The following MDGA2 variants were observed in gnomAD, a reference collection of about 807,000 sequenced individuals.
MDGA2 encodes MAM domain containing glycosylphosphatidylinositol anchor 2, also known as MAM domain-containing glycosylphosphatidylinositol anchor protein 2.
Under a neutral mutation model 117.8 loss-of-function variants are expected in MDGA2, and 40 were observed. The observed-to-expected ratio is 0.34, with a 90% CI of 0.26 to 0.44. The LOEUF (loss-of-function observed/expected upper bound fraction) is 0.44. Ranked by LOEUF, MDGA2 falls within the 20% of genes least tolerant of loss-of-function variation. MDGA2 has a pLI of 1.00. For synonymous variants in MDGA2, 452 were observed against 439.0 expected (o/e 1.03, Z -0.37); for missense variants, 1,123 against 1,250.6 (o/e 0.90, Z 1.54).
rs1311999802 is a variant in MDGA2, at chr14:47,529,165, A to AT, written c.280+145351dup. On this transcript the variant is annotated intron_variant, in intron 1 of 16. Transcript: ENST00000399232. ...AGATGCCCGCCACCACACCTGGCTA[A>AT]TTTTTTTTTTACAAACTTTTTTATA... 4.5e-3 allele frequency among the ~76,000 whole-genome samples: 678 copies of AT among 149,860 alleles called. 5 individuals are homozygous for AT. The highest frequency in any genetic ancestry group is 0.015 in the African/African-American group (602 of 40,902).
At chr14:47,122,088 T>C (rs924391889) in intron 5 of MDGA2, among the ~76,000 whole-genome samples, 5 of 152,002 alleles carry the variant, frequency 3.3e-5, no homozygotes, top group African/African-American at 1.2e-4. Context: ...TGTTTTATTA[T>C]TGTTGTTATT....
intron 8 of MDGA2, among the ~76,000 whole-genome samples, chr14:47,001,035 G>A (rs1887513792): frequency 2.0e-5 from 3 of 151,896 alleles, no homozygotes; most frequent in Admixed American, 1.3e-4. Context: ...CTCAGACTTC[G>A]AACACTAAAC....
rs368694331 is a variant in MDGA2 at position 46,918,935 on chromosome 14, T to C, written c.2238+1077A>G. Among the ~76,000 whole-genome samples, 252 of 152,108 alleles carry C rather than the reference T, an allele frequency of 1.7e-3. 1 individual carries two copies. The highest frequency in any genetic ancestry group is 5.9e-3 in the African/African-American group (243 of 41,484). Reference sequence around the variant, plus strand: ...CGTCAACATGCCCGGCTAATTTTTTTGTATTTTTAGTAGAGACGGGGTTTC... The same window carrying C: ...CGTCAACATGCCCGGCTAATTTTTTCGTATTTTTAGTAGAGACGGGGTTTC... On this transcript the variant is annotated intron_variant, in intron 10 of 16. Coordinates refer to ENST00000399232, the MANE Select transcript of MDGA2 (RefSeq NM_001113498.3).
intron 1 of MDGA2, among the ~76,000 whole-genome samples, chr14:47,609,428 C>CACATATATAT (rs1477357010): frequency 1.2e-3 from 21 of 17,564 alleles, no homozygotes; most frequent in Non-Finnish European, 1.9e-3. Context: ...AGTATTCCAT[C>CACATATATAT]ATATATATAT....
intron 8 of MDGA2, among the ~76,000 whole-genome samples, chr14:46,989,145 C>T (rs1886981734): frequency 6.6e-6 from 1 of 152,092 alleles, no homozygotes; most frequent in Non-Finnish European, 1.5e-5. Flanking sequence ...TCTGTCCACA[C>T]AACTCTGAGT....
chr14:47,628,602 A>G lies in MDGA2; in HGVS notation c.280+45915T>C, dbSNP rs190267188. 3.9e-4 allele frequency among the ~76,000 whole-genome samples: 59 copies of G among 152,366 alleles called. No individual in the cohort carries two copies. The East Asian group carries it at 8.3e-3, about 21-fold the overall frequency. ...AATGGGCAATTTTCAAAGACCAACC[A>G]AAACTCCTAAGACTAAAACTATGGT... On this transcript the variant is annotated intron_variant, in intron 1 of 16. Coordinates refer to ENST00000399232, the MANE Select transcript of MDGA2 (RefSeq NM_001113498.3).
intron 1 of MDGA2, among the ~76,000 whole-genome samples, chr14:47,441,017 G>A (rs999737088): frequency 6.6e-6 from 1 of 152,022 alleles, no homozygotes; most frequent in African/African-American, 2.4e-5. Context: ...CAGTAAGAGT[G>A]ACAGATCTGT....
chr14:47,013,772 G>GTGTATATATATATATATATATATATA (rs1555343310), intron 8 of MDGA2, among the ~76,000 whole-genome samples: 1 of 93,704 alleles, frequency 1.1e-5, no homozygotes, highest in African/African-American at 3.6e-5. Context: ...TAATTTCCTT[G>GTGTATATATATATATATATATATATA]TATATATATA....
intron 1 of MDGA2, among the ~76,000 whole-genome samples, chr14:47,478,077 T>A (rs75462219): frequency 1.3e-5 from 2 of 152,214 alleles, no homozygotes; most frequent in Non-Finnish European, 2.9e-5. Context: ...TGGACAAGAC[T>A]TCTTGTATTC....
At chr14:47,299,231 A>T (rs1026248620) in intron 2 of MDGA2, 2 of 152,204 alleles carry the variant, frequency 1.3e-5, no homozygotes, top group Non-Finnish European at 2.9e-5. Context: ...ATTGTGAATG[A>T]TAAAAAGGGA....
chr14:46,899,711 G>C (rs1381435372), intron 10 of MDGA2, among the ~76,000 whole-genome samples: 1 of 151,998 alleles, frequency 6.6e-6, no homozygotes, highest in African/African-American at 2.4e-5. Context: ...AAACAGAAGT[G>C]ATTTTGTAAG....
intron 9 of MDGA2, among the ~76,000 whole-genome samples, chr14:46,946,905 C>T (rs868496224): frequency 9.2e-5 from 14 of 152,060 alleles, no homozygotes; most frequent in South Asian, 2.1e-4. Flanking sequence ...GGTCCTTCCC[C>T]TTATATCCTC....
At chr14:46,921,421 T>C (rs1884124329) in intron 9 of MDGA2, among the ~76,000 whole-genome samples, 1 of 150,068 alleles carries the variant, frequency 6.7e-6, no homozygotes, top group African/African-American at 2.5e-5. Flanking sequence ...CTGAGCAACA[T>C]AGCAAAATAA....
At chr14:47,295,559 G>T (rs1889035767) in intron 2 of MDGA2, among the ~76,000 whole-genome samples, 1 of 151,984 alleles carries the variant, frequency 6.6e-6, no homozygotes, top group African/African-American at 2.4e-5. Flanking sequence ...GGTCAACTGA[G>T]GAAATATTTT....
intron 1 of MDGA2, among the ~76,000 whole-genome samples, chr14:47,646,675 T>A (rs1211877076): frequency 6.6e-6 from 1 of 152,230 alleles, no homozygotes; most frequent in Non-Finnish European, 1.5e-5. Flanking sequence ...GCATAATTTC[T>A]ATGAATAAAA....
At chr14:46,934,841 C>A (rs1159719181) in intron 9 of MDGA2, among the ~76,000 whole-genome samples, 1 of 151,954 alleles carries the variant, frequency 6.6e-6, no homozygotes, top group African/African-American at 2.4e-5. Context: ...TGTCAATTGT[C>A]ATTACTACTT....
chr14:47,403,923 T>C (rs1735388729), intron 1 of MDGA2, among the ~76,000 whole-genome samples: 1 of 152,070 alleles, frequency 6.6e-6, no homozygotes, highest in Non-Finnish European at 1.5e-5. Flanking sequence ...ATCTAAAAAG[T>C]GGGCTTTGCT....
chr14:47,424,413 CAAA>C (rs34875957), intron 1 of MDGA2, among the ~76,000 whole-genome samples: 7 of 139,650 alleles, frequency 5.0e-5, no homozygotes, highest in Admixed American at 1.4e-4. Context: ...GATTCTGTCT[CAAA>C]AAAAAAAAAA....
At chr14:47,356,762 G>A (rs764832770) in intron 1 of MDGA2, among the ~76,000 whole-genome samples, 8 of 152,100 alleles carry the variant, frequency 5.3e-5, no homozygotes, top group Non-Finnish European at 7.4e-5. Flanking sequence ...AGAAGGTAAC[G>A]GAGGCAAGTC....
Sources: allele counts gnomAD v4.1 joint callset (sites outside exome capture counted in the v4.1 genomes callset), GRCh38; gene constraint gnomAD v4.1.1; transcripts MANE v1.5; gene names NCBI Gene and HGNC (gene_info 2026-07-23, HGNC 2026-07-21).